Variants in ACOX3 observed in about 807,000 individuals in gnomAD.
ACOX3 encodes the protein peroxisomal acyl-coenzyme A oxidase 3.
Under a neutral mutation model 81.5 loss-of-function variants are expected in ACOX3, and 73 were observed. That is an observed-to-expected ratio of 0.90 (90% CI 0.74 to 1.09). The LOEUF is 1.09. Among genes scored for constraint, ACOX3 ranks in the 50% least tolerant of loss-of-function variants. ACOX3 has a pLI of 0.00. For synonymous variants in ACOX3, 387 were observed against 375.1 expected (o/e 1.03, Z -0.37); for missense variants, 947 against 928.0 (o/e 1.02, Z -0.27).
chr4:8,435,126 C>T (rs945287727), intron 1 of ACOX3, among the ~76,000 whole-genome samples: 1 of 152,190 alleles, frequency 6.6e-6, no homozygotes, highest in African/African-American at 2.4e-5. Flanking sequence ...TGTTACAGAA[C>T]CTTAAGAAAG....
intron 13 of ACOX3, among the ~76,000 whole-genome samples, chr4:8,387,685 C>A (rs1224888742): frequency 6.6e-6 from 1 of 152,198 alleles, no homozygotes; most frequent in East Asian, 1.9e-4. Flanking sequence ...TCCAGCCCTG[C>A]TCTTCTGTCA....
At chr4:8,395,118 A>C (rs918436707) in intron 9 of ACOX3, among the ~76,000 whole-genome samples, 1 of 152,174 alleles carries the variant, frequency 6.6e-6, no homozygotes, top group Non-Finnish European at 1.5e-5. Flanking sequence ...TGAGCCTGTG[A>C]GGATGAGGCC....
At chr4:8,411,902 G>A (rs1721764167) in intron 5 of ACOX3, among the ~76,000 whole-genome samples, 1 of 152,176 alleles carries the variant, frequency 6.6e-6, no homozygotes, top group African/African-American at 2.4e-5. Flanking sequence ...CCAAATAAAT[G>A]CTCAGCCAGC....
chr4:8,413,749 G>A (rs1197649699), intron 5 of ACOX3, among the ~76,000 whole-genome samples: 3 of 151,952 alleles, frequency 2.0e-5, no homozygotes, highest in East Asian at 1.9e-4. Context: ...TCTGTGGCCC[G>A]TCTCACTGCA....
At chr4:8,371,126 T>C (rs949701050) in intron 16 of ACOX3, 132 bp from the exon 17 acceptor site, 13 of 722,514 alleles carry the variant, frequency 1.8e-5, no homozygotes, top group Non-Finnish European at 2.9e-5. Context: ...GCGGCTCTGC[T>C]GCCCATGCGT....
In ACOX3 at chr4:8,416,836, C is replaced by T. The variant is rs1395292896; in HGVS notation, c.-14-301G>A. ...TTTGTCAGAGTCTTGTTTTCTGTCACACAGCCTTGCCTGAGAGTACCCTGC... is the reference window on the plus strand; with the variant it reads ...TTTGTCAGAGTCTTGTTTTCTGTCATACAGCCTTGCCTGAGAGTACCCTGC... On this transcript the variant is annotated intron_variant, in intron 1 of 17. Coordinates refer to ENST00000356406, the MANE Select transcript of ACOX3 (RefSeq NM_003501.3). This position sits in a 1 kb window ranked among gnomAD's most constrained non-coding sequence, Gnocchi z 4.2. Among the ~76,000 whole-genome samples the T allele has an allele frequency of 2.0e-5, 3 of 152,254 alleles. No individual in the cohort carries two copies. The highest frequency in any genetic ancestry group is 4.4e-5 in the Non-Finnish European group (3 of 68,042).
rs890546000 is a variant in ACOX3 at position 8,370,540 on chromosome 4, A to C, written c.1983+368T>G. On this transcript the variant is annotated intron_variant, in intron 17 of 17. Coordinates refer to ENST00000356406, the MANE Select transcript of ACOX3 (RefSeq NM_003501.3). This position sits in a 1 kb window ranked among gnomAD's most constrained non-coding sequence, Gnocchi z 6.3. ...GACAGGGATGGGGGAAGAGGCCTGC[A>C]GGGCCAGGAGCATGGTCAGATGGGG... Among the ~76,000 whole-genome samples the C allele has an allele frequency of 2.2e-5, 3 of 134,394 alleles. No individual in the cohort carries two copies. The highest frequency in any genetic ancestry group is 4.7e-5 in the Non-Finnish European group (3 of 64,044). 88.2% of individuals were successfully genotyped at this position (134,394 alleles called of 152,430 possible). A position where few individuals can be genotyped will look rare whatever the true frequency, so the allele number is the denominator to read the frequency against.
chr4:8,371,894 C>T (rs974059534), intron 16 of ACOX3, among the ~76,000 whole-genome samples: 9 of 152,370 alleles, frequency 5.9e-5, no homozygotes, highest in Admixed American at 1.3e-4. Context: ...CCTACTGTGC[C>T]GTGGAAGCAC....
In ACOX3 at chr4:8,375,069, G is replaced by A. The variant is rs1467033902; in HGVS notation, c.1737C>T (p.Ser579=). The change falls in exon 15 of 18, where the codon TCC becomes TCT. Residue 579 remains serine, a synonymous_variant. Coordinates refer to ENST00000356406, the MANE Select transcript of ACOX3 (RefSeq NM_003501.3). ...GCACGGCCCGCAGCGAGGGCGGCAC[G>A]GAAGGCTGGTGCACGTGCTCGTGGA... ...QRFHEHVHQP[S]VPPSLRAVLG... 6.4e-6 allele frequency: 10 copies of A among 1,554,668 alleles called. No homozygotes were observed. Among genetic ancestry groups the A allele is most frequent in the Non-Finnish European group, 8.7e-6 (10 of 1,148,942 alleles).
At chr4:8,380,935 G>C (rs953750363) in intron 14 of ACOX3, among the ~76,000 whole-genome samples, 1 of 152,202 alleles carries the variant, frequency 6.6e-6, no homozygotes, top group Non-Finnish European at 1.5e-5. Context: ...GGCTGGGACA[G>C]GGCTGGAAGG....
In ACOX3 at chr4:8,432,728, G is replaced by A. The variant is rs901097288; in HGVS notation, c.-15+7920C>T. On this transcript the variant is annotated intron_variant, in intron 1 of 17. Transcript: ENST00000356406. The surrounding 1 kb of genome is among the most constrained non-coding windows in gnomAD (Gnocchi z 6.2). ...GCGCTCAGAGCAGCCAGGGACTTCCGGTTGGAGCCTCCACTGCTGCTTCTC... is the reference window on the plus strand; with the variant it reads ...GCGCTCAGAGCAGCCAGGGACTTCCAGTTGGAGCCTCCACTGCTGCTTCTC... 1.3e-5 allele frequency among the ~76,000 whole-genome samples: 2 copies of A among 152,118 alleles called. No homozygotes were observed. Among genetic ancestry groups the A allele is most frequent in the East Asian group, 1.9e-4 (1 of 5,186 alleles).
In ACOX3 at chr4:8,368,449, C is replaced by G. The variant is rs565930405; in HGVS notation, c.1984-1369G>C. Among the ~76,000 whole-genome samples the G allele has an allele frequency of 2.0e-5, 3 of 152,232 alleles. No individual in the cohort carries two copies. Among genetic ancestry groups the G allele is most frequent in the Non-Finnish European group, 4.4e-5 (3 of 68,034 alleles). On this transcript the variant is annotated intron_variant, in intron 17 of 17. Coordinates refer to ENST00000356406, the MANE Select transcript of ACOX3 (RefSeq NM_003501.3). This position sits in a 1 kb window ranked among gnomAD's most constrained non-coding sequence, Gnocchi z 5.9. ...GGTGGTCTATTGTGTATCCAGCTTA[C>G]GCTGACCCATTTTATTGAGAAGAAA... is the stretch of plus-strand genomic sequence containing the variant.
chr4:8,357,620 T>C, the ACOX3 span: 5 of 274,610 alleles, frequency 1.8e-5, no homozygotes, highest in East Asian at 4.4e-4. Flanking sequence ...TATTTTCAAA[T>C]GTTTTATTTT....
intron 15 of ACOX3, 50 bp downstream of exon 15, chr4:8,374,928 G>C: frequency 6.9e-7 from 1 of 1,453,258 alleles, no homozygotes; most frequent in Non-Finnish European, 9.1e-7. Context: ...GATACAACAC[G>C]GGGGCCCTGA....
At position 8,381,591 on chromosome 4, in the gene ACOX3, G is replaced by A; in HGVS notation, c.1554C>T (p.Tyr518=). ...CLDSAVALAA[Y]KWLVCYLLRE... ...GGAGCAGGTAGCAAACCAGCCACTT[G>A]TATGCTGCCAGGGCGACTTCGGAAT... Residue 518 remains tyrosine (Y), a synonymous_variant, in exon 14 of 18, where the codon TAC becomes TAT. Coordinates refer to ENST00000356406, the MANE Select transcript of ACOX3 (RefSeq NM_003501.3). This position sits in a 1 kb window ranked among gnomAD's most constrained non-coding sequence, Gnocchi z 4.3. The A allele has an allele frequency of 6.2e-7, 1 of 1,613,676 alleles. No homozygotes were observed. The highest frequency in any genetic ancestry group is 8.5e-7 in the Non-Finnish European group (1 of 1,179,824).
At chr4:8,375,279 T>C (rs1716799066) in intron 14 of ACOX3, 127 bp from the exon 15 acceptor site, 1 of 931,818 alleles carries the variant, frequency 1.1e-6, no homozygotes, top group Non-Finnish European at 1.6e-6. Flanking sequence ...GACAGTAACA[T>C]AAGGTGAGGC....
At position 8,399,554 on chromosome 4, in the gene ACOX3, A is replaced by G; in HGVS notation, c.873+2T>C. On this transcript the variant is annotated splice_donor_variant, in intron 8 of 17. Transcript: ENST00000356406. LOFTEE classifies it high-confidence loss of function. The surrounding 1 kb of genome is among the most constrained non-coding windows in gnomAD (Gnocchi z 4.9). ...CACACGAACGGCCCCCCATGCCTGT[A>G]CCTTAAAGGGGCTGACATAGGTGCC... 1.9e-6 allele frequency: 3 copies of G among 1,611,870 alleles called. No individual in the cohort carries two copies. Among genetic ancestry groups the G allele is most frequent in the Non-Finnish European group, 2.5e-6 (3 of 1,177,998 alleles).
In ACOX3 at chr4:8,416,622, C is replaced by T; in HGVS notation, c.-14-87G>A. ...CAACAGGAGAGCCCGCAACACCTTA[C>T]AAATCAGAGAAAAGTAAACTTGAAA... is the stretch of plus-strand genomic sequence containing the variant. On this transcript the variant is annotated intron_variant, in intron 1 of 17. Coordinates refer to ENST00000356406, the MANE Select transcript of ACOX3 (RefSeq NM_003501.3). The surrounding 1 kb of genome is among the most constrained non-coding windows in gnomAD (Gnocchi z 4.2). 1 of 1,372,664 alleles carries T rather than the reference C, an allele frequency of 7.3e-7. No homozygotes were observed. The highest frequency in any genetic ancestry group is 9.6e-7 in the Non-Finnish European group (1 of 1,037,250). 85.0% of individuals were successfully genotyped at this position (1,372,664 alleles called of 1,614,324 possible).
chr4:8,374,821 CATT>C (rs1716713505), intron 15 of ACOX3, 154 bp downstream of exon 15: 6 of 795,234 alleles, frequency 7.5e-6, no homozygotes, highest in Middle Eastern at 2.4e-4. Context: ...ATATGCTTCT[CATT>C]ATGGAACTGG....
Sources: allele counts gnomAD v4.1 joint callset (sites outside exome capture counted in the v4.1 genomes callset), GRCh38; gene constraint gnomAD v4.1.1; non-coding constraint Gnocchi (gnomAD v3.1); transcripts MANE v1.5; gene names NCBI Gene and HGNC (gene_info 2026-07-23, HGNC 2026-07-21).